Variants in NSD3 observed in about 807,000 individuals in gnomAD.
NSD3 encodes nuclear receptor binding SET domain protein 3.
NSD3 carries 24 observed loss-of-function variants against 160.8 expected under a neutral mutation model. That is an observed-to-expected ratio of 0.15 (90% CI 0.11 to 0.21). The LOEUF (loss-of-function observed/expected upper bound fraction) is 0.21, where lower values mean the gene tolerates loss of function less well. NSD3 is among the 10% of genes least tolerant of loss of function. NSD3 has a pLI of 1.00. For missense variants in NSD3, 1,157 were observed against 1,735.9 expected, an observed-to-expected ratio of 0.67 and a Z score of 5.93; for synonymous variants, 520 against 600.0, an observed-to-expected ratio of 0.87 and a Z score of 1.95.
chr8:38,279,967 G>C (rs1417135634), intron 20 of NSD3: 2 of 287,780 alleles, frequency 6.9e-6, no homozygotes, highest in Non-Finnish European at 1.3e-5. Context: ...TAGTGGGCCA[G>C]AGGTTTAGGA....
chr8:38,338,282 AGAGT>A (rs746499901), intron 3 of NSD3, among the ~76,000 whole-genome samples: 1 of 151,086 alleles, frequency 6.6e-6, no homozygotes, highest in Non-Finnish European at 1.5e-5. Context: ...CCTGGGCAAC[AGAGT>A]GAGACTCCGT....
At chr8:38,278,437 T>A (rs1343079043) in intron 21 of NSD3, 25 bp from the exon 22 acceptor site, 1 of 1,578,612 alleles carries the variant, frequency 6.3e-7, no homozygotes, top group South Asian at 1.1e-5. Flanking sequence ...AAATAATTAT[T>A]CAAACTCGAG....
intron 16 of NSD3, among the ~76,000 whole-genome samples, chr8:38,293,922 CAAAAAAAAAAAAAAAAAA>C (rs11290856): frequency 2.0e-4 from 10 of 49,932 alleles, no homozygotes; most frequent in African/African-American, 6.5e-4. Flanking sequence ...GACTCCGTCT[CAAAAAAAAAAAAAAAAAA>C]AAAAAAAAAA....
intron 1 of NSD3, among the ~76,000 whole-genome samples, chr8:38,350,696 T>C (rs1174785662): frequency 1.3e-5 from 2 of 152,198 alleles, no homozygotes; most frequent in Non-Finnish European, 2.9e-5. Context: ...GTCCTGGGCA[T>C]AAGTTTTTTA....
At chr8:38,372,810 T>C (rs1368932324) in intron 1 of NSD3, among the ~76,000 whole-genome samples, 1 of 148,500 alleles carries the variant, frequency 6.7e-6, no homozygotes, top group African/African-American at 2.5e-5. Flanking sequence ...GTTCTTACTA[T>C]TATTAAAAAA....
At chr8:38,315,857 G>T in intron 10 of NSD3, 55 bp downstream of exon 10, 2 of 1,561,966 alleles carry the variant, frequency 1.3e-6, no homozygotes, top group South Asian at 2.4e-5. Flanking sequence ...ATAAATAAGG[G>T]AAAAGCATTA....
chr8:38,364,196 G>A (rs1163962637), intron 1 of NSD3, among the ~76,000 whole-genome samples: 1 of 152,104 alleles, frequency 6.6e-6, no homozygotes, highest in African/African-American at 2.4e-5. Flanking sequence ...ACGATCGCTT[G>A]AACCTGGGAG....
At chr8:38,307,655 G>T (rs1431312009) in intron 12 of NSD3, among the ~76,000 whole-genome samples, 1 of 152,070 alleles carries the variant, frequency 6.6e-6, no homozygotes, top group Non-Finnish European at 1.5e-5. Context: ...CATAAGAAGA[G>T]CTCCGACAGA....
At position 38,305,311 on chromosome 8, in the gene NSD3, G is replaced by T. The variant is rs773861449; in HGVS notation, c.2377C>A (p.Arg793Ser). ...GCAGAGCAGCAGTGCTGAGGACAGC[G>T]GAATCCTTTTGATTCAAAGATGGCA... is the stretch of plus-strand genomic sequence containing the variant. ...PTAIFESKGF[R>S]CPQHCCSACS... is the part of the protein sequence containing the mutation. Residue 793 changes from arginine to serine, a missense_variant, in exon 13 of 24, where the codon CGC becomes AGC. Around this residue, in one of 10 missense-constraint regions of NSD3, gnomAD observed 437 missense variants for 576.6 expected, o/e 0.76. Transcript: ENST00000317025. The T allele has an allele frequency of 1.3e-5, 21 of 1,614,180 alleles. No individual in the cohort carries two copies. The highest frequency in any genetic ancestry group is 1.8e-5 in the Non-Finnish European group (21 of 1,180,022).
rs1376218878 is a variant in NSD3 at position 38,271,638 on chromosome 8, T to C, written c.*4003A>G. On this transcript the variant is annotated 3_prime_UTR_variant, in exon 24 of 24. Coordinates refer to ENST00000317025, the MANE Select transcript of NSD3 (RefSeq NM_023034.2). Reference sequence around the variant, plus strand: ...TAGGTGGCCCTAGGCCAAAGGAAAGTGTTTCCATTCATCAATTCATGTCTG... The same window carrying C: ...TAGGTGGCCCTAGGCCAAAGGAAAGCGTTTCCATTCATCAATTCATGTCTG... 6.6e-6 allele frequency: 1 copy of C among 152,244 alleles called. No homozygotes were observed. The highest frequency in any genetic ancestry group is 6.5e-5 in the Admixed American group (1 of 15,286). 9.4% of individuals were successfully genotyped at this position (152,244 alleles called of 1,614,324 possible). A position where few individuals can be genotyped will look rare whatever the true frequency, so the allele number is the denominator to read the frequency against.
At chr8:38,336,407 C>T (rs979820975) in intron 4 of NSD3, among the ~76,000 whole-genome samples, 1 of 152,174 alleles carries the variant, frequency 6.6e-6, no homozygotes, top group Non-Finnish European at 1.5e-5. Context: ...TTTTTATTAA[C>T]ATTCCTAAGG....
chr8:38,352,253 T>C (rs1344333784), intron 1 of NSD3, among the ~76,000 whole-genome samples: 2 of 152,162 alleles, frequency 1.3e-5, no homozygotes, highest in Non-Finnish European at 2.9e-5. Flanking sequence ...ATACAGCCAC[T>C]GTTTCTTCTG....
In NSD3 at chr8:38,293,691, GGC is replaced by G. The variant is rs577876487; in HGVS notation, c.2915+2103_2915+2104del. 5.3e-5 allele frequency among the ~76,000 whole-genome samples: 8 copies of G among 151,830 alleles called. No homozygotes were observed. In the South Asian group the frequency reaches 1.7e-3, roughly 32 times the overall value. ...TAATCCCAGCACTTTGGGAGGCCGA[GGC>G]GGGCGGATCAGCTGAGGTCAGGAGT... On this transcript the variant is annotated intron_variant, in intron 16 of 23. Transcript: ENST00000317025.
intron 12 of NSD3, among the ~76,000 whole-genome samples, chr8:38,310,074 T>G (rs1167614330): frequency 6.6e-6 from 1 of 152,198 alleles, no homozygotes; most frequent in Non-Finnish European, 1.5e-5. Flanking sequence ...TTTAACACTT[T>G]AACCATTTTT....
chr8:38,334,038 A>T (rs1810142649), intron 4 of NSD3, among the ~76,000 whole-genome samples: 1 of 152,342 alleles, frequency 6.6e-6, no homozygotes, highest in South Asian at 2.1e-4. Flanking sequence ...ATGTGCTATT[A>T]AAAAAGTAAT....
intron 1 of NSD3, among the ~76,000 whole-genome samples, chr8:38,374,709 G>A (rs1330703502): frequency 2.0e-5 from 3 of 152,132 alleles, no homozygotes; most frequent in Admixed American, 1.3e-4. Context: ...TTAAGACTGA[G>A]TTAAATAATT....
intron 2 of NSD3, among the ~76,000 whole-genome samples, chr8:38,345,599 A>G (rs1810499269): frequency 1.3e-5 from 2 of 152,182 alleles, no homozygotes; most frequent in South Asian, 2.1e-4. Flanking sequence ...AAAATGAATT[A>G]AAACCCTTAA....
At chr8:38,276,746 G>A (rs898185630) in intron 22 of NSD3, 2 of 494,464 alleles carry the variant, frequency 4.0e-6, no homozygotes, top group Non-Finnish European at 3.6e-6. Context: ...GTGCAGTGGT[G>A]CAATCTTGGC....
At chr8:38,298,030 C>T (rs1333651320) in intron 15 of NSD3, among the ~76,000 whole-genome samples, 1 of 151,904 alleles carries the variant, frequency 6.6e-6, no homozygotes, top group Non-Finnish European at 1.5e-5. Context: ...GCTTAAAATA[C>T]ACAAGGGAAA....
Sources: allele counts gnomAD v4.1 joint callset (sites outside exome capture counted in the v4.1 genomes callset), GRCh38; gene constraint gnomAD v4.1.1; regional missense constraint gnomAD v4.1.1; transcripts MANE v1.5; gene names NCBI Gene and HGNC (gene_info 2026-07-23, HGNC 2026-07-21).